Variants in PLEKHH1 observed in about 807,000 individuals in gnomAD.
PLEKHH1 encodes pleckstrin homology domain-containing family H member 1.
Under a neutral mutation model 160.0 loss-of-function variants are expected in PLEKHH1, and 104 were observed. That is an observed-to-expected ratio of 0.65 (90% CI 0.55 to 0.76). PLEKHH1 has a LOEUF of 0.76. Ranked by LOEUF, PLEKHH1 falls within the 30% of genes least tolerant of loss-of-function variation. The pLI, the probability that PLEKHH1 is intolerant of heterozygous loss-of-function variation, is 0.00. For missense variants in PLEKHH1, 1,427 were observed against 1,724.1 expected (o/e 0.83, Z 3.05); for synonymous variants, 619 against 678.4 (o/e 0.91, Z 1.36).
chr14:67,544,193 C>A (rs1239073546), intron 2 of PLEKHH1, among the ~76,000 whole-genome samples: 1 of 152,206 alleles, frequency 6.6e-6, no homozygotes, highest in Non-Finnish European at 1.5e-5. Flanking sequence ...GAAAATCATT[C>A]ACTGGCACAG....
At chr14:67,555,770 G>A (rs1231425340) in intron 2 of PLEKHH1, 55 bp from the exon 3 acceptor site, 119 of 1,600,842 alleles carry the variant, frequency 7.4e-5, no homozygotes, top group Admixed American at 1.7e-4. Flanking sequence ...CCTTGATGCC[G>A]TGTTCACAGT....
At chr14:67,541,786 C>A in intron 1 of PLEKHH1, 48 bp from the exon 2 acceptor site, 1 of 1,312,480 alleles carries the variant, frequency 7.6e-7, no homozygotes, top group South Asian at 1.5e-5. Context: ...CAGAACTCTT[C>A]CTCACACGCT....
intron 3 of PLEKHH1, among the ~76,000 whole-genome samples, 187 bp downstream of exon 3, chr14:67,556,074 C>T (rs1481125921): frequency 6.6e-6 from 1 of 152,178 alleles, no homozygotes. Context: ...AGCAAGTGGG[C>T]ATAGTAGTCC....
chr14:67,577,602 C>T (rs1160406231), intron 18 of PLEKHH1, among the ~76,000 whole-genome samples, 188 bp downstream of exon 18: 2 of 152,306 alleles, frequency 1.3e-5, no homozygotes, highest in South Asian at 2.1e-4. Context: ...AGCTCTGGAA[C>T]GTCATGCACA....
intron 5 of PLEKHH1, 67 bp from the exon 6 acceptor site, chr14:67,561,883 AAAAG>A: frequency 8.3e-7 from 1 of 1,204,602 alleles, no homozygotes; most frequent in South Asian, 1.4e-5. Context: ...AAAAAAAAAA[AAAAG>A]AATTGAAAAA....
intron 1 of PLEKHH1, among the ~76,000 whole-genome samples, chr14:67,539,438 C>T (rs1186226842): frequency 6.6e-6 from 1 of 152,112 alleles, no homozygotes; most frequent in African/African-American, 2.4e-5. Flanking sequence ...CTTACTCGGT[C>T]CATCAGTGGT....
In PLEKHH1 at chr14:67,587,301, G is replaced by A; in HGVS notation, c.*66G>A. 6.4e-7 allele frequency: 1 copy of A among 1,569,192 alleles called. No individual in the cohort carries two copies. ...TGGATTTAGAGATATATATCCTAGG[G>A]TATGATACTACTGTGACGGGTCTAA... is the stretch of plus-strand genomic sequence containing the variant. On this transcript the variant is annotated 3_prime_UTR_variant, in exon 29 of 29. Transcript: ENST00000329153.
intron 23 of PLEKHH1, 199 bp from the exon 24 acceptor site, chr14:67,581,870 G>C (rs1346551079): frequency 1.8e-6 from 1 of 563,852 alleles, no homozygotes; most frequent in African/African-American, 1.9e-5. Flanking sequence ...CCCTCCTGTT[G>C]GTATGAGATC....
In PLEKHH1 at chr14:67,589,590, A is replaced by G; in HGVS notation, c.*2355A>G. On this transcript the variant is annotated 3_prime_UTR_variant, in exon 29 of 29. Transcript: ENST00000329153. ...AACAGTAAATAAATAAGCCCTGTAC[A>G]GAACACAGGCACTAGGTTGACAGAC... The G allele has an allele frequency of 1.0e-6, 1 of 985,884 alleles. No homozygotes were observed. The highest frequency in any genetic ancestry group is 1.2e-6 in the Non-Finnish European group (1 of 830,138). The allele number at this position is 985,884 out of a possible 1,614,324, so 61.1% of individuals were successfully genotyped here. A position where few individuals can be genotyped will look rare whatever the true frequency, so the allele number is the denominator to read the frequency against.
At chr14:67,563,441 T>G (rs535082362) in intron 7 of PLEKHH1, among the ~76,000 whole-genome samples, 143 of 141,618 alleles carry the variant, frequency 1.0e-3, no homozygotes, top group African/African-American at 3.5e-3. Context: ...TTTTGGGGGG[T>G]GGGGGTGAGG....
chr14:67,586,481 C>T, intron 28 of PLEKHH1: 1 of 1,134,536 alleles, frequency 8.8e-7, no homozygotes, highest in African/African-American at 1.6e-5. Context: ...CCCCTGGGTT[C>T]TGCTGACCCA....
chr14:67,578,333 T>G lies in PLEKHH1; in HGVS notation c.2751+134T>G. The G allele has an allele frequency of 1.2e-6, 1 of 817,584 alleles. No homozygotes were observed. Among genetic ancestry groups the G allele is most frequent in the Non-Finnish European group, 2.0e-6 (1 of 501,770 alleles). 50.6% of individuals were successfully genotyped at this position (817,584 alleles called of 1,614,324 possible). A position where few individuals can be genotyped will look rare whatever the true frequency, so the allele number is the denominator to read the frequency against. On this transcript the variant is annotated intron_variant, in intron 19 of 28. Transcript: ENST00000329153. This position sits in a 1 kb window ranked among gnomAD's most constrained non-coding sequence, Gnocchi z 5.0. ...GGCAGCCTCTGTGCTCCAAGCTGCA[T>G]CAGTACGGCTGAGCTGTCTATGCAC...
chr14:67,538,800 A>G (rs2033849096), intron 1 of PLEKHH1, among the ~76,000 whole-genome samples: 1 of 152,204 alleles, frequency 6.6e-6, no homozygotes, highest in Admixed American at 6.5e-5. Context: ...TAAACAGACC[A>G]CTTGATCAGT....
At chr14:67,560,726 TC>T (rs1411301724) in intron 5 of PLEKHH1, among the ~76,000 whole-genome samples, 2 of 122,900 alleles carry the variant, frequency 1.6e-5, no homozygotes, top group African/African-American at 6.2e-5. Flanking sequence ...TGAACATATA[TC>T]TTTTTTTTTT....
rs1374328546 is a variant in PLEKHH1, at chr14:67,557,400, G to C, written c.321G>C (p.Glu107Asp). 6.2e-7 allele frequency: 1 copy of C among 1,613,362 alleles called. No individual in the cohort carries two copies. The highest frequency in any genetic ancestry group is 2.2e-5 in the East Asian group (1 of 44,896). ...KGKDELISQL[E>D]AQLEKQKQMR... ...AAGATGAGCTCATCAGCCAGCTAGA[G>C]GCTCAGCTGGAGAAGCAGGTAAGGG... Residue 107 changes from glutamate to aspartate, a missense_variant, in exon 4 of 29, where the codon GAG becomes GAC. Transcript: ENST00000329153.
At chr14:67,559,135 C>T (rs1463105034) in intron 4 of PLEKHH1, among the ~76,000 whole-genome samples, 1 of 152,218 alleles carries the variant, frequency 6.6e-6, no homozygotes, top group Non-Finnish European at 1.5e-5. Flanking sequence ...CCAACCTTTT[C>T]AATCATCTCC....
chr14:67,563,757 A>T (rs2034954363), intron 7 of PLEKHH1, among the ~76,000 whole-genome samples: 1 of 133,086 alleles, frequency 7.5e-6, no homozygotes, highest in Admixed American at 7.9e-5. Flanking sequence ...TTTTCGAGAC[A>T]GAGTCTTGCT....
chr14:67,552,044 G>A (rs997823739), intron 2 of PLEKHH1, among the ~76,000 whole-genome samples: 2 of 152,198 alleles, frequency 1.3e-5, no homozygotes, highest in African/African-American at 2.4e-5. Flanking sequence ...ATCTCACAGC[G>A]TGTGACAAGG....
intron 9 of PLEKHH1, chr14:67,571,030 C>T (rs1313761181): frequency 6.6e-6 from 1 of 152,220 alleles, no homozygotes; most frequent in East Asian, 1.9e-4. Context: ...CCCCTACCTC[C>T]TCCTTCTATA....
Sources: gnomAD v4.1 joint callset for allele counts (sites outside exome capture counted in the v4.1 genomes callset) on GRCh38, gnomAD v4.1.1 for gene constraint, Gnocchi (gnomAD v3.1) non-coding constraint, MANE v1.5 for transcripts, NCBI Gene and HGNC (gene_info 2026-07-23, HGNC 2026-07-21) for gene names.